PNKP: variants seen among roughly 807,000 people sequenced by gnomAD.
PNKP encodes polynucleotide kinase 3'-phosphatase, also known as bifunctional polynucleotide phosphatase/kinase.
A neutral mutation model predicts 66.2 loss-of-function variants in PNKP; 82 were observed. That is an observed-to-expected ratio of 1.24 (90% CI 1.04 to 1.49). The LOEUF is 1.49. Among genes scored for constraint, PNKP ranks in the 40% most tolerant of loss-of-function variants. PNKP has a pLI of 0.00. For missense variants in PNKP, 907 were observed against 706.8 expected, an observed-to-expected ratio of 1.28 and a Z score of -3.21; for synonymous variants, 412 against 298.9, an observed-to-expected ratio of 1.38 and a Z score of -3.90.
Position 49,861,274 on chromosome 19 carries a change from GCCGCCCCAGCCTCGGCT to G in PNKP, c.1523_1539del (p.Glu508AlafsTer24), listed in dbSNP as rs747520930. ...CAGCCCTCGGAGAACTGGCAGTACA[GCCGCCCCAGCCTCGGCT>G]CCACCCATAGCCGGAACGGGATCTC... On this transcript the variant is annotated frameshift_variant, in exon 17 of 17. Transcript: ENST00000322344. LOFTEE classifies it high-confidence loss of function. 1.2e-6 allele frequency: 2 copies of G among 1,612,522 alleles called. No individual in the cohort carries two copies. Among genetic ancestry groups the G allele is most frequent in the African/African-American group, 2.7e-5 (2 of 74,898 alleles).
At position 49,864,162 on chromosome 19, in the gene PNKP, C is replaced by T. The variant is rs770468060; in HGVS notation, c.636+17G>A. On this transcript the variant is annotated intron_variant, in intron 6 of 16. Transcript: ENST00000322344. ...CGCCACGTGCACGTGCCCATGCAGA[C>T]AGGCGGCTGCACATACCTTGTAGCC... The T allele has an allele frequency of 1.2e-6, 2 of 1,613,876 alleles. No homozygotes were observed. The highest frequency in any genetic ancestry group is 1.3e-5 in the African/African-American group (1 of 74,928).
rs758351663 is a variant in PNKP at position 49,867,235 on chromosome 19, G to A, written c.-13-18C>T. ...GTGCCGGCCTGGGGAGCAGGTAAAC[G>A]GGCTTGAGCGGCGCACAGCCCCAAT... is the stretch of plus-strand genomic sequence containing the variant. On this transcript the variant is annotated intron_variant, in intron 1 of 16. Transcript: ENST00000322344. The A allele has an allele frequency of 6.9e-6, 11 of 1,591,058 alleles. No homozygotes were observed. Among genetic ancestry groups the A allele is most frequent in the South Asian group, 5.6e-5 (5 of 89,618 alleles).
Position 49,862,620 on chromosome 19 carries a change from G to T in PNKP, c.866-12C>A. The T allele has an allele frequency of 6.2e-7, 1 of 1,613,870 alleles. No homozygotes were observed. Among genetic ancestry groups the T allele is most frequent in the Non-Finnish European group, 8.5e-7 (1 of 1,179,904 alleles). The stretch of plus-strand genomic sequence containing the variant: ...GCGTCCGGCTGCGTCTGGAACACAC[G>T]GGACACCCCGTTCCCACCAGCTCGG... On this transcript the variant is annotated splice_polypyrimidine_tract_variant and intron_variant, in intron 9 of 16. Coordinates refer to ENST00000322344, the MANE Select transcript of PNKP (RefSeq NM_007254.4).
rs776236270 is a variant in PNKP, at chr19:49,864,021, G to A, written c.687C>T (p.Ala229=). Residue 229 remains alanine, a synonymous_variant, in exon 7 of 17, where the codon GCC becomes GCT. Transcript: ENST00000322344. ...QMSIGRGKLP[A]EEFKAKVEAV... is the part of the protein sequence containing the mutation. ...CCTCCACCTTGGCCTTGAACTCCTC[G>A]GCTGGCAGCTTCCCGCGCCCGATGC... 13 of 1,613,912 alleles carry A rather than the reference G, an allele frequency of 8.1e-6. No homozygotes were observed. The highest frequency in any genetic ancestry group is 5.3e-5 in the African/African-American group (4 of 74,916).
At position 49,861,282 on chromosome 19, in the gene PNKP, A is replaced by G. The variant is rs1600414000; in HGVS notation, c.1532T>C (p.Leu511Pro). ...IPFRLWVEPR[L>P]GRLYCQFSEG ...GGAGAACTGGCAGTACAGCCGCCCC[A>G]GCCTCGGCTCCACCCATAGCCGGAA... The change falls in exon 17 of 17, where the codon CTG (leucine) becomes CCG (proline). Residue 511 changes from leucine (L) to proline (P), a missense_variant. Coordinates refer to ENST00000322344, the MANE Select transcript of PNKP (RefSeq NM_007254.4). 1 of 1,613,524 alleles carries G rather than the reference A, an allele frequency of 6.2e-7. No individual in the cohort carries two copies. Among genetic ancestry groups the G allele is most frequent in the Non-Finnish European group, 8.5e-7 (1 of 1,179,564 alleles).
chr19:49,865,363 C>A lies in PNKP; in HGVS notation c.262G>T (p.Gly88Trp). The change falls in exon 4 of 17, where the codon GGG becomes TGG. Residue 88 changes from glycine (G) to tryptophan (W), a missense_variant. Gly to Trp is a radical substitution (Grantham distance 184, BLOSUM62 -2). Transcript: ENST00000322344. ...ELKPGLEGSL[G>W]VGDTLYLVNG... is the part of the protein sequence containing the mutation. ...ACCAAATACAGTGTGTCCCCCACCC[C>A]CAGAGAGCCCTCCAACCCCGGCTTC... 5 of 1,613,370 alleles carry A rather than the reference C, an allele frequency of 3.1e-6. No individual in the cohort carries two copies. Among genetic ancestry groups the A allele is most frequent in the Non-Finnish European group, 4.2e-6 (5 of 1,179,562 alleles).
chr19:49,862,339 T>TGG, intron 11 of PNKP, 32 bp downstream of exon 11: 4 of 954,078 alleles, frequency 4.2e-6, no homozygotes, highest in Non-Finnish European at 6.2e-6. Context: ...AGCCCTCCCA[T>TGG]CCCCACCCCC....
chr19:49,862,023 G>A (rs750240376), intron 13 of PNKP, 21 bp downstream of exon 13: 2 of 1,613,718 alleles, frequency 1.2e-6, no homozygotes, highest in East Asian at 2.2e-5. Flanking sequence ...TAGATTTGGG[G>A]CGGCAAAAGC....
chr19:49,862,687 T>C lies in PNKP; in HGVS notation c.865+3A>G. 1 of 1,614,036 alleles carries C rather than the reference T, an allele frequency of 6.2e-7. No homozygotes were observed. Among genetic ancestry groups the C allele is most frequent in the Non-Finnish European group, 8.5e-7 (1 of 1,179,950 alleles). On this transcript the variant is annotated splice_donor_region_variant and intron_variant, in intron 9 of 16. Coordinates refer to ENST00000322344, the MANE Select transcript of PNKP (RefSeq NM_007254.4). ...CCACCCTCAGCAGCCTCCAGGCCCT[T>C]ACCTCCCACAAAGATGCTGTCCCCG... is the stretch of plus-strand genomic sequence containing the variant.
At position 49,866,457 on chromosome 19, in the gene PNKP, AG is replaced by A. The variant is rs2074821321; in HGVS notation, c.152-13del. 2.5e-6 allele frequency: 4 copies of A among 1,613,666 alleles called. No homozygotes were observed. The African/African-American group carries it at 5.3e-5, about 22-fold the overall frequency. ...TGCGACCAGCTCCACTGAGGATTGG[AG>A]GGGTGGAGTCAGGATTTGCATCCTT... is the stretch of plus-strand genomic sequence containing the variant. On this transcript the variant is annotated splice_polypyrimidine_tract_variant and intron_variant, in intron 2 of 16. Coordinates refer to ENST00000322344, the MANE Select transcript of PNKP (RefSeq NM_007254.4).
rs368921337 is a variant in PNKP at position 49,865,143 on chromosome 19, A to G, written c.482T>C (p.Val161Ala). The change falls in exon 4 of 17, where the codon GTG (valine) becomes GCG (alanine). Residue 161 changes from valine to alanine, a missense_variant. By Grantham distance (64) the Val-to-Ala change is moderately conservative. Transcript: ENST00000322344. ...EKLLVFTAAGVKPQGKVAGFD... is the reference protein window; with the variant it reads ...EKLLVFTAAGAKPQGKVAGFD... ...GGCCCTCACCTTGCCCTGGGGTTTC[A>G]CCCCAGCTGCGGTGAACACTAGCAA... The G allele has an allele frequency of 8.1e-6, 13 of 1,613,710 alleles. No homozygotes were observed. The highest frequency in any genetic ancestry group is 1.7e-5 in the Admixed American group (1 of 60,014).
Position 49,861,242 on chromosome 19 carries a change from C to A in PNKP, c.*6G>T. The A allele has an allele frequency of 6.4e-7, 1 of 1,555,188 alleles. No homozygotes were observed. The highest frequency in any genetic ancestry group is 1.4e-5 in the African/African-American group (1 of 73,826). On this transcript the variant is annotated 3_prime_UTR_variant, in exon 17 of 17. Coordinates refer to ENST00000322344, the MANE Select transcript of PNKP (RefSeq NM_007254.4). ...GCGTTTATTGTGGAGGGGAGCTGGG[C>A]GGGGCTCAGCCCTCGGAGAACTGGC... is the stretch of plus-strand genomic sequence containing the variant.
chr19:49,862,473 G>C lies in PNKP; in HGVS notation c.937-10C>G, dbSNP rs376801468. Reference sequence around the variant, plus strand: ...CAAGGTTGAGGGCAAACTAGGGGTTGAGGACGAACATCAGACACAGGCCAG... The same window carrying C: ...CAAGGTTGAGGGCAAACTAGGGGTTCAGGACGAACATCAGACACAGGCCAG... On this transcript the variant is annotated splice_polypyrimidine_tract_variant and intron_variant, in intron 10 of 16. Transcript: ENST00000322344. The C allele has an allele frequency of 6.3e-7, 1 of 1,593,152 alleles. No individual in the cohort carries two copies. Among genetic ancestry groups the C allele is most frequent in the Non-Finnish European group, 8.6e-7 (1 of 1,169,442 alleles).
chr19:49,861,366 C>CTGGCAGT lies in PNKP; in HGVS notation c.1449-8_1449-2dup. 1 of 1,614,034 alleles carries CTGGCAGT rather than the reference C, an allele frequency of 6.2e-7. No homozygotes were observed. The highest frequency in any genetic ancestry group is 2.2e-5 in the East Asian group (1 of 44,890). On this transcript the variant is annotated splice_acceptor_variant, in intron 16 of 16. Coordinates refer to ENST00000322344, the MANE Select transcript of PNKP (RefSeq NM_007254.4). LOFTEE classifies it high-confidence loss of function. ...CAGCGTTGGGGCCTCGAACTGCTTC[C>CTGGCAGT]TGGCAGTGGTGGGAACAGTGAGGGA...
At chr19:49,866,580 C>T (rs2074822542) in intron 2 of PNKP, 135 bp from the exon 3 acceptor site, 1 of 827,870 alleles carries the variant, frequency 1.2e-6, no homozygotes. Context: ...GGATTGGCTC[C>T]TTGACATGCA....
chr19:49,861,849 G>C lies in PNKP; in HGVS notation c.1221C>G (p.Thr407=). The C allele has an allele frequency of 6.3e-7, 1 of 1,594,344 alleles. No homozygotes were observed. Among genetic ancestry groups the C allele is most frequent in the African/African-American group, 1.3e-5 (1 of 74,586 alleles). Residue 407 remains threonine, a synonymous_variant, in exon 14 of 17, where the codon ACC becomes ACG. Transcript: ENST00000322344. Reference sequence around the variant, plus strand: ...CTTGCTTCAGGGCTGTCTCACACGTGGTCACACAGCGCTGCCAGGAGCCTA... The same window carrying C: ...CTTGCTTCAGGGCTGTCTCACACGTCGTCACACAGCGCTGCCAGGAGCCTA... ...DTLGSWQRCV[T]TCETALKQGK... is the part of the protein sequence containing the mutation.
intron 14 of PNKP, 32 bp downstream of exon 14, chr19:49,861,740 G>GCAGGCCACCTA: frequency 6.4e-7 from 1 of 1,554,758 alleles, no homozygotes; most frequent in Non-Finnish European, 8.7e-7. Context: ...CCACCCCGCC[G>GCAGGCCACCTA]CAGGCCACCT....
At chr19:49,866,270 G>A (rs2074819510) in intron 3 of PNKP, 129 bp downstream of exon 3, 3 of 882,694 alleles carry the variant, frequency 3.4e-6, no homozygotes, top group Non-Finnish European at 5.8e-6. Context: ...AAAGTGCTGG[G>A]ATTACAGGCT....
chr19:49,866,625 T>C (rs1013846369), intron 2 of PNKP, 180 bp from the exon 3 acceptor site: 36 of 714,574 alleles, frequency 5.0e-5, no homozygotes, highest in African/African-American at 4.5e-4. Context: ...TGCCTGACAC[T>C]GGTCCTTGCA....
Sources: allele counts gnomAD v4.1 joint callset, GRCh38; gene constraint gnomAD v4.1.1; transcripts MANE v1.5; gene names NCBI Gene and HGNC (gene_info 2026-07-23, HGNC 2026-07-21).